TKTL1: variants seen among roughly 807,000 people sequenced by gnomAD.
TKTL1 encodes transketolase-like protein 1.
TKTL1 carries 1 observed loss-of-function variant against 39.3 expected under a neutral mutation model. The ratio of observed to expected loss-of-function variants is 0.03; its 90% CI spans 0.01 to 0.12. TKTL1 has a LOEUF of 0.12. TKTL1 is among the 10% of genes least tolerant of loss of function. The pLI is 1.00. For missense variants in TKTL1, 575 were observed against 509.6 expected, an observed-to-expected ratio of 1.13 and a Z score of -1.24; for synonymous variants, 262 against 193.8, an observed-to-expected ratio of 1.35 and a Z score of -2.92.
At chrX:154,329,422 C>T (rs2067519639) in intron 12 of TKTL1, 94 bp from the exon 13 acceptor site, 9 of 926,061 alleles carry the variant, frequency 9.7e-6, no homozygotes, top group Non-Finnish European at 1.4e-5. Flanking sequence ...AGATTTTCCC[C>T]TGGGAAGCTG....
At position 154,329,741 on chromosome X, in the gene TKTL1, T is replaced by C. The variant is rs782470089; in HGVS notation, c.*53T>C. On this transcript the variant is annotated 3_prime_UTR_variant, in exon 13 of 13. Coordinates refer to ENST00000369915, the MANE Select transcript of TKTL1 (RefSeq NM_012253.4). ...CTCTTTACCCTGTGTTTATGTTTGT[T>C]CCAAAACCATCATTTAAATCTCTAC... The C allele has an allele frequency of 2.0e-5, 23 of 1,141,972 alleles. No homozygotes were observed. The South Asian group carries it at 4.1e-4, about 20-fold the overall frequency. 94.1% of individuals were successfully genotyped at this position (1,141,972 alleles called of 1,213,427 possible). A position where few individuals can be genotyped will look rare whatever the true frequency, so the allele number is the denominator to read the frequency against.
intron 7 of TKTL1, chrX:154,320,383 A>C: frequency 4.5e-6 from 1 of 221,607 alleles, no homozygotes; most frequent in Non-Finnish European, 8.2e-6. Context: ...AAATAGAATG[A>C]TCCAAGAGAA....
chrX:154,320,870 G>C lies in TKTL1; in HGVS notation c.1143G>C (p.Glu381Asp). The C allele has an allele frequency of 1.7e-6, 2 of 1,211,772 alleles. No individual in the cohort carries two copies. Among genetic ancestry groups the C allele is most frequent in the Non-Finnish European group, 2.2e-6 (2 of 895,438 alleles). The change falls in exon 8 of 13, where the codon GAG becomes GAC. Residue 381 changes from glutamate (E) to aspartate (D), a missense_variant. Coordinates refer to ENST00000369915, the MANE Select transcript of TKTL1 (RefSeq NM_012253.4). ...ACATCCGGATAGGAGGCCTCGCTGAGAGCAACATCAACATTATTGGTTCCC... is the reference window on the plus strand; with the variant it reads ...ACATCCGGATAGGAGGCCTCGCTGACAGCAACATCAACATTATTGGTTCCC... The part of the protein sequence containing the change: ...FDHIRIGGLA[E>D]SNINIIGSHC...
rs782333652 is a variant in TKTL1, at chrX:154,327,891, C to T, written c.1551C>T (p.Ala517=). Residue 517 remains alanine (A), a synonymous_variant, in exon 12 of 13, where the codon GCC becomes GCT. Coordinates refer to ENST00000369915, the MANE Select transcript of TKTL1 (RefSeq NM_012253.4). ...TTACCATTAAACCTCTGGATGTCGC[C>T]ACCATCGTCTCCAGTGCAAAAGCCA... ...DLFTIKPLDV[A]TIVSSAKATE... is the part of the protein sequence containing the mutation. 1.3e-5 allele frequency: 16 copies of T among 1,209,934 alleles called. No homozygotes were observed. The highest frequency in any genetic ancestry group is 4.6e-4 in the Middle Eastern group (2 of 4,376).
chrX:154,299,611 C>T (rs2148798429), intron 1 of TKTL1, among the ~76,000 whole-genome samples: 1 of 111,297 alleles, frequency 9.0e-6, no homozygotes, highest in South Asian at 3.7e-4. Flanking sequence ...CCCTCACCTC[C>T]TTCCTACCTT....
At chrX:154,302,949 C>A (rs2067285096) in intron 1 of TKTL1, among the ~76,000 whole-genome samples, 1 of 110,793 alleles carries the variant, frequency 9.0e-6, no homozygotes, top group Non-Finnish European at 1.9e-5. Context: ...CGAGGGCGAT[C>A]CTCCCCTAGG....
At chrX:154,313,982 A>G (rs782808658) in intron 6 of TKTL1, among the ~76,000 whole-genome samples, 1 of 110,659 alleles carries the variant, frequency 9.0e-6, no homozygotes, top group South Asian at 3.8e-4. Flanking sequence ...ATAGTTGCAT[A>G]ATTGGTATGA....
At chrX:154,327,485 G>A (rs887365046) in intron 10 of TKTL1, 106 bp from the exon 11 acceptor site, 2 of 691,700 alleles carry the variant, frequency 2.9e-6, no homozygotes, top group African/African-American at 4.3e-5. Context: ...ATTAAGGAGT[G>A]AAATTGTTAG....
chrX:154,321,268 G>A (rs1195983774), intron 8 of TKTL1, among the ~76,000 whole-genome samples: 2 of 109,640 alleles, frequency 1.8e-5, no homozygotes, highest in African/African-American at 3.3e-5. Context: ...CACAGAGGAC[G>A]AGGAGCATTC....
chrX:154,313,898 C>T (rs2067376592), intron 6 of TKTL1, among the ~76,000 whole-genome samples: 2 of 107,050 alleles, frequency 1.9e-5, no homozygotes, highest in South Asian at 8.4e-4. Flanking sequence ...TGGGCCACTG[C>T]ACTCCAGCCT....
chrX:154,329,376 T>G (rs1351125466), intron 12 of TKTL1, 140 bp from the exon 13 acceptor site: 10 of 586,073 alleles, frequency 1.7e-5, no homozygotes, highest in Admixed American at 6.7e-5. Context: ...GAATGAGAAC[T>G]CCGCAGGCCC....
intron 10 of TKTL1, among the ~76,000 whole-genome samples, chrX:154,326,875 C>T (rs781918648): frequency 3.2e-4 from 36 of 112,217 alleles, no homozygotes; most frequent in Non-Finnish European, 4.7e-4. Flanking sequence ...TGTGTGCATG[C>T]GTGTATAAGT....
At chrX:154,315,026 T>G (rs1195836870) in intron 6 of TKTL1, 147 bp from the exon 7 acceptor site, 2 of 603,998 alleles carry the variant, frequency 3.3e-6, no homozygotes, top group African/African-American at 4.5e-5. Flanking sequence ...TTTATGACAT[T>G]AAAGGAAATT....
chrX:154,328,006 T>G, intron 12 of TKTL1, 48 bp downstream of exon 12: 1 of 1,200,807 alleles, frequency 8.3e-7, no homozygotes, highest in South Asian at 1.8e-5. Flanking sequence ...GTGTTTTTGT[T>G]TCCTTGATTG....
At chrX:154,313,933 C>CA (rs78101259) in intron 6 of TKTL1, among the ~76,000 whole-genome samples, 339 of 64,155 alleles carry the variant, frequency 5.3e-3, no homozygotes, top group Non-Finnish European at 7.3e-3. Context: ...GACTCTGTCT[C>CA]AAAAAAAAAA....
intron 7 of TKTL1, among the ~76,000 whole-genome samples, chrX:154,317,857 TG>T (rs1394794279): frequency 9.2e-6 from 1 of 109,222 alleles, no homozygotes; most frequent in African/African-American, 3.4e-5. Flanking sequence ...TTGACAAGAC[TG>T]GGGGAGAAGT....
intron 3 of TKTL1, 37 bp downstream of exon 3, chrX:154,309,479 C>T (rs1398498006): frequency 9.2e-7 from 1 of 1,088,825 alleles, no homozygotes; most frequent in Admixed American, 2.2e-5. Context: ...AACTGCCCTA[C>T]ATCTACATCC....
intron 10 of TKTL1, chrX:154,327,347 C>T (rs371789205): frequency 2.4e-5 from 13 of 538,613 alleles, no homozygotes; most frequent in Non-Finnish European, 4.5e-5. Flanking sequence ...CCATAGTGAG[C>T]TCTCAAACCA....
At chrX:154,321,895 AG>A (rs2067454259) in intron 8 of TKTL1, among the ~76,000 whole-genome samples, 1 of 109,165 alleles carries the variant, frequency 9.2e-6, no homozygotes, top group African/African-American at 3.3e-5. Flanking sequence ...GCAGTGTTGC[AG>A]GGGCAGAGGG....
Sources: allele counts gnomAD v4.1 joint callset (sites outside exome capture counted in the v4.1 genomes callset), GRCh38; gene constraint gnomAD v4.1.1; transcripts MANE v1.5; gene names NCBI Gene and HGNC (gene_info 2026-07-23, HGNC 2026-07-21).